LRP1B: variants seen among roughly 807,000 people sequenced by gnomAD.
The protein encoded by LRP1B is LDL receptor related protein 1B, also known as low-density lipoprotein receptor-related protein 1B.
Under a neutral mutation model 556.6 loss-of-function variants are expected in LRP1B, and 217 were observed. That is an observed-to-expected ratio of 0.39 (90% CI 0.35 to 0.44). LRP1B has a LOEUF of 0.44. Among genes scored for constraint, LRP1B ranks in the 20% least tolerant of loss-of-function variants. The pLI is 1.00. For synonymous variants in LRP1B, 2,047 were observed against 1,865.8 expected, an observed-to-expected ratio of 1.10 and a Z score of -2.50; for missense variants, 5,053 against 5,620.8, an observed-to-expected ratio of 0.90 and a Z score of 3.23.
At chr2:141,176,350 G>C (rs1258453996) in intron 7 of LRP1B, among the ~76,000 whole-genome samples, 1 of 152,060 alleles carries the variant, frequency 6.6e-6, no homozygotes, top group Non-Finnish European at 1.5e-5. Context: ...GTTCTGGTGA[G>C]AGGTGACTGG....
chr2:141,521,427 C>A (rs13398188), intron 2 of LRP1B, among the ~76,000 whole-genome samples: 7,244 of 151,570 alleles, frequency 0.048, 254 homozygotes, highest in South Asian at 0.12. Context: ...TTCTTCCTTT[C>A]TTTTTTCTCC....
intron 84 of LRP1B, among the ~76,000 whole-genome samples, chr2:140,292,291 A>G (rs1683420343): frequency 6.6e-6 from 1 of 152,208 alleles, no homozygotes; most frequent in South Asian, 2.1e-4. Flanking sequence ...CACATATTAG[A>G]TAAAATAACG....
intron 3 of LRP1B, among the ~76,000 whole-genome samples, chr2:141,436,651 T>A (rs1680776811): frequency 6.6e-6 from 1 of 152,150 alleles, no homozygotes; most frequent in Non-Finnish European, 1.5e-5. Context: ...TTTAATAAAA[T>A]TGTATTATTT....
At chr2:140,952,795 A>G (rs1053715866) in intron 18 of LRP1B, among the ~76,000 whole-genome samples, 11 of 152,168 alleles carry the variant, frequency 7.2e-5, no homozygotes, top group African/African-American at 2.4e-4. Flanking sequence ...TAATTGCTGA[A>G]CACTTTATCC....
chr2:141,563,223 C>T (rs781084017), intron 2 of LRP1B, among the ~76,000 whole-genome samples: 2 of 151,960 alleles, frequency 1.3e-5, no homozygotes, highest in African/African-American at 4.8e-5. Flanking sequence ...GGTTAAACTA[C>T]GGTAGCCGAC....
At chr2:141,704,269 AC>A (rs1220771048) in intron 2 of LRP1B, among the ~76,000 whole-genome samples, 3 of 151,916 alleles carry the variant, frequency 2.0e-5, no homozygotes, top group African/African-American at 7.3e-5. Flanking sequence ...TCATTTACTA[AC>A]CTTTTTCTTA....
chr2:141,154,328 T>A (rs1334209841), intron 7 of LRP1B, among the ~76,000 whole-genome samples: 2 of 151,916 alleles, frequency 1.3e-5, no homozygotes, highest in Non-Finnish European at 2.9e-5. Context: ...TGGAACACAC[T>A]TTTAAATATT....
At chr2:140,259,469 A>C (rs751398753) in intron 86 of LRP1B, among the ~76,000 whole-genome samples, 1 of 152,066 alleles carries the variant, frequency 6.6e-6, no homozygotes, top group Non-Finnish European at 1.5e-5. Context: ...AAGCCGATTG[A>C]GAATCATAGT....
At chr2:140,693,844 A>C (rs1686330036) in intron 41 of LRP1B, among the ~76,000 whole-genome samples, 1 of 152,040 alleles carries the variant, frequency 6.6e-6, no homozygotes, top group African/African-American at 2.4e-5. Context: ...AGTAGCTGGA[A>C]TTGCAGGCAT....
At position 140,657,604 on chromosome 2, in the gene LRP1B, CAT is replaced by C. The variant is rs201884568; in HGVS notation, c.6799+42644_6799+42645del. ...ATATATACATACATACATATATATA[CAT>C]ATATATACATACATATATACATACA... On this transcript the variant is annotated intron_variant, in intron 41 of 90. Coordinates refer to ENST00000389484, the MANE Select transcript of LRP1B (RefSeq NM_018557.3). Among the ~76,000 whole-genome samples, 1,362 of 136,432 alleles carry C rather than the reference CAT, an allele frequency of 1.0e-2. 16 individuals carry two copies. Among genetic ancestry groups the C allele is most frequent in the Non-Finnish European group, 0.017 (1,070 of 63,454 alleles). 89.5% of individuals were successfully genotyped at this position (136,432 alleles called of 152,430 possible).
intron 3 of LRP1B, among the ~76,000 whole-genome samples, chr2:141,465,543 C>CTTTTTTTTTTTTT (rs71391652): frequency 1.7e-5 from 2 of 117,314 alleles, no homozygotes; most frequent in African/African-American, 3.0e-5. Context: ...CACAGCATGA[C>CTTTTTTTTTTTTT]TTTTTTTTTT....
intron 1 of LRP1B, among the ~76,000 whole-genome samples, chr2:141,932,836 T>A (rs999197111): frequency 6.6e-6 from 1 of 151,994 alleles, no homozygotes; most frequent in African/African-American, 2.4e-5. Flanking sequence ...TAAATCTGTA[T>A]AAAATAAAAG....
chr2:141,273,996 T>C (rs759255777), intron 3 of LRP1B, among the ~76,000 whole-genome samples: 1 of 152,128 alleles, frequency 6.6e-6, no homozygotes, highest in African/African-American at 2.4e-5. Flanking sequence ...CAAATGTAAA[T>C]CAAAACCACA....
At chr2:142,089,149 T>A (rs2104946079) in intron 1 of LRP1B, among the ~76,000 whole-genome samples, 1 of 152,262 alleles carries the variant, frequency 6.6e-6, no homozygotes, top group African/African-American at 2.4e-5. Context: ...GAGCTTACAT[T>A]CTTTTGAAGG....
intron 6 of LRP1B, among the ~76,000 whole-genome samples, chr2:141,208,871 C>T (rs300352): frequency 0.79 from 73,093 of 92,898 alleles, 28,164 homozygotes; most frequent in Middle Eastern, 0.85. Context: ...TCTGAGATTC[C>T]GTCTCAAAAA....
At chr2:141,091,740 A>C (rs1161474460) in intron 7 of LRP1B, among the ~76,000 whole-genome samples, 3 of 152,236 alleles carry the variant, frequency 2.0e-5, no homozygotes, top group African/African-American at 7.2e-5. Flanking sequence ...AAATTATTAT[A>C]AAATAAACAT....
rs1296361888 is a variant in LRP1B, at chr2:140,364,704, C to T, written c.11088G>A (p.Glu3696=). The T allele has an allele frequency of 1.9e-6, 3 of 1,610,168 alleles. No individual in the cohort carries two copies. Among genetic ancestry groups the T allele is most frequent in the Non-Finnish European group, 2.5e-6 (3 of 1,177,570 alleles). Residue 3696 remains glutamate, a synonymous_variant, in exon 72 of 91, where the codon GAG becomes GAA. Coordinates refer to ENST00000389484, the MANE Select transcript of LRP1B (RefSeq NM_018557.3). ...CKLHFWVCDG[E]DDCGDNSDEA... ...CATCAGAGTTGTCTCCACAGTCGTC[C>T]TCTCCATCACACACCCAGAAATGTA...
chr2:140,272,140 TA>T (rs1448163030), intron 85 of LRP1B, among the ~76,000 whole-genome samples: 1 of 151,964 alleles, frequency 6.6e-6, no homozygotes, highest in Non-Finnish European at 1.5e-5. Flanking sequence ...GTAGACATTT[TA>T]AATGTGAAAT....
At chr2:142,077,878 T>A (rs940269955) in intron 1 of LRP1B, among the ~76,000 whole-genome samples, 1 of 152,148 alleles carries the variant, frequency 6.6e-6, no homozygotes, top group African/African-American at 2.4e-5. Context: ...AACTAAAATA[T>A]GTTTGCCCAA....
Sources: gnomAD v4.1 joint callset for allele counts (sites outside exome capture counted in the v4.1 genomes callset) on GRCh38, gnomAD v4.1.1 for gene constraint, MANE v1.5 for transcripts, NCBI Gene and HGNC (gene_info 2026-07-23, HGNC 2026-07-21) for gene names.